The following RUNX1 variants were observed in gnomAD, a reference collection of about 807,000 sequenced individuals.
The protein encoded by RUNX1 is RUNX family transcription factor 1.
In RUNX1, 19 loss-of-function variants were observed where a neutral mutation model predicts 42.8. The ratio of observed to expected loss-of-function variants is 0.44; its 90% CI spans 0.31 to 0.65. RUNX1 has a LOEUF of 0.65. Ranked by LOEUF, RUNX1 falls within the 30% of genes least tolerant of loss-of-function variation. The probability of loss-of-function intolerance (pLI) is 0.07; values close to 1 mark genes in which losing one functional copy is unlikely to be tolerated. For missense variants in RUNX1, 528 were observed against 672.0 expected (o/e 0.79, Z 2.37); for synonymous variants, 271 against 289.4 (o/e 0.94, Z 0.64).
At position 34,974,222 on chromosome 21, in the gene RUNX1, C is replaced by T. The variant is rs192907434; in HGVS notation, c.58+74620G>A. 4.5e-3 allele frequency among the ~76,000 whole-genome samples: 685 copies of T among 152,148 alleles called. 4 individuals carry two copies. Among genetic ancestry groups the T allele is most frequent in the Middle Eastern group, 0.014 (4 of 294 alleles). On this transcript the variant is annotated intron_variant, in intron 2 of 8. Coordinates refer to ENST00000675419, the MANE Select transcript of RUNX1 (RefSeq NM_001754.5). ...TCACACGAGCAAGACTACTCAACACCCAGGCCTTCTGAGATCCGAACAATA... is the reference window on the plus strand; with the variant it reads ...TCACACGAGCAAGACTACTCAACACTCAGGCCTTCTGAGATCCGAACAATA...
intron 7 of RUNX1, among the ~76,000 whole-genome samples, chr21:34,806,811 AATAG>A (rs1569014381): frequency 6.6e-6 from 1 of 150,482 alleles, no homozygotes; most frequent in African/African-American, 2.5e-5. Flanking sequence ...AAAAGCCAAT[AATAG>A]ATAACTGGAA....
intron 2 of RUNX1, among the ~76,000 whole-genome samples, chr21:35,004,728 T>C (rs1826187976): frequency 6.6e-6 from 1 of 152,180 alleles, no homozygotes; most frequent in African/African-American, 2.4e-5. Flanking sequence ...ATCATGTATT[T>C]GGGGAAACAG....
intron 7 of RUNX1, among the ~76,000 whole-genome samples, chr21:34,825,378 G>A (rs1474670003): frequency 6.6e-6 from 1 of 152,152 alleles, no homozygotes; most frequent in Non-Finnish European, 1.5e-5. Flanking sequence ...TCACTGTCAG[G>A]ACCTCTGATT....
At chr21:34,807,256 C>T (rs2056692791) in intron 7 of RUNX1, among the ~76,000 whole-genome samples, 1 of 152,138 alleles carries the variant, frequency 6.6e-6, no homozygotes, top group South Asian at 2.1e-4. Flanking sequence ...GAGACCCCTC[C>T]CGGCCCTCCT....
chr21:35,017,706 G>C (rs1359715445), intron 2 of RUNX1, among the ~76,000 whole-genome samples: 5 of 152,134 alleles, frequency 3.3e-5, no homozygotes. Flanking sequence ...CTGAGCACTG[G>C]GGAGTCTGTG....
Position 34,888,505 on chromosome 21 carries a change from CAA to C in RUNX1, c.98-1411_98-1410del, listed in dbSNP as rs377766157. 1,571 of 1,056,426 alleles carry C rather than the reference CAA, an allele frequency of 1.5e-3. 19 individuals are homozygous for C. In the African/African-American group the frequency reaches 0.02, roughly 13 times the overall value. 65.4% of individuals were successfully genotyped at this position (1,056,426 alleles called of 1,614,324 possible). A position where few individuals can be genotyped will look rare whatever the true frequency, so the allele number is the denominator to read the frequency against. On this transcript the variant is annotated intron_variant, in intron 3 of 8. Coordinates refer to ENST00000675419, the MANE Select transcript of RUNX1 (RefSeq NM_001754.5). ...ATTCAAAAGGAAGAAAGGGGAAAAA[CAA>C]AAAAAAACAACAAAAAAAGGAAGGT...
chr21:34,880,769 T>C, intron 4 of RUNX1, 56 bp from the exon 5 acceptor site: 3 of 1,564,040 alleles, frequency 1.9e-6, no homozygotes, highest in Non-Finnish European at 2.6e-6. Context: ...CATACACTTT[T>C]AGGGCATTTG....
intron 5 of RUNX1, among the ~76,000 whole-genome samples, chr21:34,875,485 G>T (rs2057801291): frequency 6.6e-6 from 1 of 152,126 alleles, no homozygotes; most frequent in Non-Finnish European, 1.5e-5. Context: ...TTAAAGTGTA[G>T]ATCAGTATGT....
intron 5 of RUNX1, among the ~76,000 whole-genome samples, chr21:34,872,611 G>A (rs1039359273): frequency 5.9e-5 from 9 of 152,094 alleles, no homozygotes; most frequent in Admixed American, 3.9e-4. Flanking sequence ...AAGTTTGTAG[G>A]GAGGCAGAAT....
chr21:34,889,828 C>T, intron 3 of RUNX1: 7 of 1,113,046 alleles, frequency 6.3e-6, no homozygotes, highest in Non-Finnish European at 5.5e-6. Context: ...GCGGAGGCTG[C>T]TCCCGTCACC....
In RUNX1 at chr21:34,834,617, G is replaced by C. The variant is rs2146077389; in HGVS notation, c.614-16C>G. ...TGCCGATGTCCTATTGTGGGGAGCA[G>C]GGAGGGGAGGGGATGGGGGGAGGGA... On this transcript the variant is annotated splice_polypyrimidine_tract_variant and intron_variant, in intron 6 of 8. Transcript: ENST00000675419. The C allele has an allele frequency of 6.3e-7, 1 of 1,579,606 alleles. No individual in the cohort carries two copies. The highest frequency in any genetic ancestry group is 8.7e-7 in the Non-Finnish European group (1 of 1,151,764).
chr21:34,887,454 G>C (rs2058015154), intron 3 of RUNX1: 3 of 1,284,888 alleles, frequency 2.3e-6, no homozygotes, highest in South Asian at 4.4e-5. Context: ...GTTCCTGAAG[G>C]CAAAATTCTC....
At chr21:34,877,731 C>T (rs946415302) in intron 5 of RUNX1, among the ~76,000 whole-genome samples, 3 of 152,190 alleles carry the variant, frequency 2.0e-5, no homozygotes, top group East Asian at 1.9e-4. Context: ...TGGCAGCCAG[C>T]GCCCAGATAG....
At position 34,821,420 on chromosome 21, in the gene RUNX1, A is replaced by C. The variant is rs1336164683; in HGVS notation, c.805+12990T>G. On this transcript the variant is annotated intron_variant, in intron 7 of 8. Coordinates refer to ENST00000675419, the MANE Select transcript of RUNX1 (RefSeq NM_001754.5). The stretch of plus-strand genomic sequence containing the variant: ...CAATGCTTCCCATGTGCTGTGCATC[A>C]AGTGATTTCTGCAGGCTAACTCATT... 4 of 1,332,740 alleles carry C rather than the reference A, an allele frequency of 3.0e-6. No homozygotes were observed. In the African/African-American group the frequency reaches 5.8e-5, roughly 19 times the overall value. 82.6% of individuals were successfully genotyped at this position (1,332,740 alleles called of 1,614,324 possible). A position where few individuals can be genotyped will look rare whatever the true frequency, so the allele number is the denominator to read the frequency against.
At chr21:35,041,408 T>C (rs1000029636) in intron 2 of RUNX1, among the ~76,000 whole-genome samples, 2 of 152,184 alleles carry the variant, frequency 1.3e-5, no homozygotes, top group Non-Finnish European at 1.5e-5. Context: ...TGTGATGACC[T>C]TTCCCATTTG....
At chr21:34,806,701 C>T (rs2056685033) in intron 7 of RUNX1, among the ~76,000 whole-genome samples, 1 of 152,072 alleles carries the variant, frequency 6.6e-6, no homozygotes, top group African/African-American at 2.4e-5. Flanking sequence ...GGAAGATTCA[C>T]CAAGATAAGC....
At chr21:34,875,288 G>A (rs917439229) in intron 5 of RUNX1, among the ~76,000 whole-genome samples, 2 of 152,190 alleles carry the variant, frequency 1.3e-5, no homozygotes, top group Non-Finnish European at 2.9e-5. Flanking sequence ...ATGTGAAACC[G>A]AAATGAGAAA....
chr21:34,879,735 T>C (rs976135840), intron 5 of RUNX1, among the ~76,000 whole-genome samples: 3 of 152,184 alleles, frequency 2.0e-5, no homozygotes, highest in Non-Finnish European at 4.4e-5. Flanking sequence ...TTGCTATTTA[T>C]AAAATATGAT....
chr21:34,988,624 T>C (rs2058910489), intron 2 of RUNX1, among the ~76,000 whole-genome samples: 1 of 152,222 alleles, frequency 6.6e-6, no homozygotes, highest in South Asian at 2.1e-4. Flanking sequence ...AAGCCATCCC[T>C]GAGAACAGTA....
Sources: gnomAD v4.1 joint callset for allele counts (sites outside exome capture counted in the v4.1 genomes callset) on GRCh38, gnomAD v4.1.1 for gene constraint, MANE v1.5 for transcripts, NCBI Gene and HGNC (gene_info 2026-07-23, HGNC 2026-07-21) for gene names.